Variants in ACTN1 observed in about 807,000 individuals in gnomAD.
ACTN1 encodes actinin alpha 1.
ACTN1 carries 30 observed loss-of-function variants against 119.6 expected under a neutral mutation model. The observed-to-expected ratio is 0.25, with a 90% CI of 0.19 to 0.34. The LOEUF is 0.34. ACTN1 is among the 10% of genes least tolerant of loss of function. The pLI is 1.00. For missense variants in ACTN1, 764 were observed against 1,223.4 expected, an observed-to-expected ratio of 0.62 and a Z score of 5.60; for synonymous variants, 429 against 472.6, an observed-to-expected ratio of 0.91 and a Z score of 1.20.
chr14:68,927,074 C>T (rs994836311), intron 1 of ACTN1, among the ~76,000 whole-genome samples: 1 of 152,178 alleles, frequency 6.6e-6, no homozygotes, highest in East Asian at 1.9e-4. Context: ...ACTCTGCAGG[C>T]CAGCCTACTC....
In ACTN1 at chr14:68,909,684, G is replaced by A. The variant is rs1174677269; in HGVS notation, c.515+271C>T. Among the ~76,000 whole-genome samples the A allele has an allele frequency of 1.3e-5, 2 of 152,182 alleles. No individual in the cohort carries two copies. The highest frequency in any genetic ancestry group is 2.9e-5 in the Non-Finnish European group (2 of 68,036). Reference sequence around the variant, plus strand: ...GTCTGCTGTTCCAGAGCCCTGGGCTGGGACTTCCTGGACAATTTCCTTGGG... The same window carrying A: ...GTCTGCTGTTCCAGAGCCCTGGGCTAGGACTTCCTGGACAATTTCCTTGGG... On this transcript the variant is annotated intron_variant, in intron 5 of 21. Coordinates refer to ENST00000394419, the MANE Select transcript of ACTN1 (RefSeq NM_001130004.2). This position sits in a 1 kb window ranked among gnomAD's most constrained non-coding sequence, Gnocchi z 4.1.
intron 2 of ACTN1, among the ~76,000 whole-genome samples, chr14:68,924,100 G>A (rs1294511258): frequency 6.6e-6 from 1 of 152,222 alleles, no homozygotes; most frequent in East Asian, 1.9e-4. Context: ...AATGGTGGTT[G>A]CCAGGGGAGG....
At chr14:68,978,926 T>TGGGG (rs1566689064) in intron 1 of ACTN1, 26 bp downstream of exon 1, 99 of 1,479,400 alleles carry the variant, frequency 6.7e-5, no homozygotes, top group Non-Finnish European at 9.0e-5. Flanking sequence ...GGCTGGGGGC[T>TGGGG]GCAGCGGGCG....
intron 2 of ACTN1, among the ~76,000 whole-genome samples, chr14:68,921,633 A>G (rs2034659365): frequency 6.6e-6 from 1 of 152,226 alleles, no homozygotes; most frequent in South Asian, 2.1e-4. Context: ...CCAGGCAAAC[A>G]AAGCAAGGAA....
In ACTN1 at chr14:68,954,329, T is replaced by C. The variant is rs144911388; in HGVS notation, c.105+24623A>G. On this transcript the variant is annotated intron_variant, in intron 1 of 21. Transcript: ENST00000394419. ...TACACACAGAGAATTTATTTATTTA[T>C]TTATTTATTTATTCTGAAATGGAGT... 6.4e-4 allele frequency among the ~76,000 whole-genome samples: 98 copies of C among 152,256 alleles called. No individual in the cohort carries two copies. In the East Asian group the frequency reaches 0.019, roughly 29 times the overall value.
intron 1 of ACTN1, among the ~76,000 whole-genome samples, chr14:68,951,069 G>A (rs1219012529): frequency 6.6e-6 from 1 of 152,194 alleles, no homozygotes; most frequent in East Asian, 1.9e-4. Context: ...GCAGACGAAC[G>A]GCAGGGCAGC....
At chr14:68,923,929 T>C (rs980818876) in intron 2 of ACTN1, among the ~76,000 whole-genome samples, 1 of 151,860 alleles carries the variant, frequency 6.6e-6, no homozygotes, top group African/African-American at 2.4e-5. Context: ...TGGAATACGA[T>C]TCAGCCATAA....
intron 21 of ACTN1, among the ~76,000 whole-genome samples, chr14:68,875,327 C>T (rs1462430600): frequency 2.6e-5 from 4 of 152,346 alleles, no homozygotes; most frequent in South Asian, 2.1e-4. Flanking sequence ...GCAATAATTG[C>T]GTGCTGGAGC....
At chr14:68,906,482 G>C (rs1340581500) in intron 6 of ACTN1, among the ~76,000 whole-genome samples, 4 of 152,176 alleles carry the variant, frequency 2.6e-5, no homozygotes, top group African/African-American at 7.2e-5. Context: ...AAACAGAGAA[G>C]GTGGGGTCCC....
intron 1 of ACTN1, chr14:68,978,392 G>T (rs1001878874): frequency 1.1e-5 from 4 of 376,002 alleles, no homozygotes; most frequent in Non-Finnish European, 2.1e-5. Context: ...ACTCCAGCTG[G>T]TCCTTCTCCA....
intron 1 of ACTN1, among the ~76,000 whole-genome samples, chr14:68,937,850 G>A (rs2035597727): frequency 6.6e-6 from 1 of 152,206 alleles, no homozygotes; most frequent in African/African-American, 2.4e-5. Flanking sequence ...CTGCTGTGTG[G>A]GCGGGGTGTG....
chr14:68,906,197 G>T (rs1237786484), intron 6 of ACTN1, among the ~76,000 whole-genome samples: 2 of 152,124 alleles, frequency 1.3e-5, no homozygotes, highest in Non-Finnish European at 2.9e-5. Context: ...GAATACCCCT[G>T]AACAGTAAGT....
intron 8 of ACTN1, among the ~76,000 whole-genome samples, chr14:68,902,213 G>A (rs922725413): frequency 2.6e-5 from 4 of 152,176 alleles, no homozygotes; most frequent in African/African-American, 9.7e-5. Flanking sequence ...AGCCCTTCCT[G>A]CTTAAGCCAG....
intron 8 of ACTN1, among the ~76,000 whole-genome samples, chr14:68,901,487 AT>A (rs2033329279): frequency 6.6e-6 from 1 of 152,082 alleles, no homozygotes; most frequent in African/African-American, 2.4e-5. Context: ...GCCTCAAGTG[AT>A]CCGCCTGCCT....
chr14:68,977,615 G>C (rs1009203946), intron 1 of ACTN1: 1 of 266,086 alleles, frequency 3.8e-6, no homozygotes, highest in African/African-American at 2.3e-5. Flanking sequence ...CTCCGTTTCA[G>C]GGCCTAGGAT....
chr14:68,950,462 G>GTGTGTGTGTGTGTGTGTGTATGTA lies in ACTN1; in HGVS notation c.106-24791_106-24790insTACATACACACACACACACACACA. On this transcript the variant is annotated intron_variant, in intron 1 of 21. Transcript: ENST00000394419. ...TTTACCATAATATATATGCGTGTGT[G>GTGTGTGTGTGTGTGTGTGTATGTA]TATATATATATATATAAATCAAACA... Among the ~76,000 whole-genome samples, 43 of 125,902 alleles carry GTGTGTGTGTGTGTGTGTGTATGTA rather than the reference G, an allele frequency of 3.4e-4. 1 individual carries two copies. The highest frequency in any genetic ancestry group is 4.9e-4 in the African/African-American group (12 of 24,328). 82.6% of individuals were successfully genotyped at this position (125,902 alleles called of 152,430 possible).
Position 68,875,012 on chromosome 14 carries a change from G to A in ACTN1, c.2592C>T (p.Tyr864=), listed in dbSNP as rs755072170. The change falls in exon 22 of 22, where the codon TAC becomes TAT. Residue 864 remains tyrosine (Y), a synonymous_variant. Transcript: ENST00000394419. ...SFKILAGDKN[Y]ITMDELRREL... ...CGCGGCGCAGCTCGTCCATGGTAAT[G>A]TAGTTCTGCGAGGAGAGAGTGGTCA... is the stretch of plus-strand genomic sequence containing the variant. 2 of 1,613,188 alleles carry A rather than the reference G, an allele frequency of 1.2e-6. No homozygotes were observed. The highest frequency in any genetic ancestry group is 1.1e-5 in the South Asian group (1 of 91,088).
intron 2 of ACTN1, among the ~76,000 whole-genome samples, chr14:68,922,136 T>G (rs1217768463): frequency 6.6e-6 from 1 of 152,174 alleles, no homozygotes; most frequent in Non-Finnish European, 1.5e-5. Flanking sequence ...TCGCAGAGCC[T>G]GGAATTCAGG....
chr14:68,928,282 A>G (rs1291764821), intron 1 of ACTN1, among the ~76,000 whole-genome samples: 2 of 152,216 alleles, frequency 1.3e-5, no homozygotes, highest in African/African-American at 4.8e-5. Flanking sequence ...AGCCAGGCTC[A>G]GCCCTGGGAA....
Sources: gnomAD v4.1 joint callset for allele counts (sites outside exome capture counted in the v4.1 genomes callset) on GRCh38, gnomAD v4.1.1 for gene constraint, Gnocchi (gnomAD v3.1) non-coding constraint, MANE v1.5 for transcripts, NCBI Gene and HGNC (gene_info 2026-07-23, HGNC 2026-07-21) for gene names.